Variants in ZMAT4 observed in about 807,000 individuals in gnomAD.
ZMAT4 encodes the protein zinc finger matrin-type 4, also known as zinc finger matrin-type protein 4.
ZMAT4 carries 17 observed loss-of-function variants against 28.7 expected under a neutral mutation model. The ratio of observed to expected loss-of-function variants is 0.59; its 90% CI spans 0.41 to 0.89. The LOEUF is 0.89. Among genes scored for constraint, ZMAT4 ranks in the 40% least tolerant of loss-of-function variants. The pLI is 0.00. For missense variants in ZMAT4, 240 were observed against 283.8 expected, an observed-to-expected ratio of 0.85 and a Z score of 1.11; for synonymous variants, 117 against 109.2, an observed-to-expected ratio of 1.07 and a Z score of -0.44.
At chr8:40,811,811 C>T (rs1192059986) in intron 2 of ZMAT4, among the ~76,000 whole-genome samples, 1 of 152,088 alleles carries the variant, frequency 6.6e-6, no homozygotes, top group African/African-American at 2.4e-5. Context: ...AGATTCACAC[C>T]CCAATGTCAT....
intron 5 of ZMAT4, among the ~76,000 whole-genome samples, chr8:40,589,731 C>CCTTTCCTTTCTTTCTTTCTTTCTTT (rs1554523992): frequency 9.3e-5 from 13 of 139,274 alleles, no homozygotes; most frequent in African/African-American, 2.7e-4. Context: ...TTCTTCCTTT[C>CCTTTCCTTTCTTTCTTTCTTTCTTT]CTTTCTTTCT....
intron 3 of ZMAT4, among the ~76,000 whole-genome samples, chr8:40,757,847 C>T (rs1326282736): frequency 6.6e-6 from 1 of 152,020 alleles, no homozygotes; most frequent in Admixed American, 6.5e-5. Context: ...GGCAGACCCA[C>T]CCTCAGTCTG....
chr8:40,634,397 AGT>A (rs533756062), intron 5 of ZMAT4, among the ~76,000 whole-genome samples: 35 of 152,206 alleles, frequency 2.3e-4, no homozygotes, highest in Non-Finnish European at 3.5e-4. Flanking sequence ...TTATTACTTC[AGT>A]TTGTCCCCAT....
intron 5 of ZMAT4, among the ~76,000 whole-genome samples, chr8:40,665,942 A>G (rs1808396914): frequency 6.6e-6 from 1 of 152,366 alleles, no homozygotes; most frequent in Admixed American, 6.5e-5. Flanking sequence ...TAAATTTTTT[A>G]ATGAATTCTT....
intron 4 of ZMAT4, among the ~76,000 whole-genome samples, chr8:40,678,975 A>G (rs940722334): frequency 6.6e-6 from 1 of 152,144 alleles, no homozygotes; most frequent in South Asian, 2.1e-4. Context: ...TACATCCCAA[A>G]TCCTACAATT....
intron 2 of ZMAT4, among the ~76,000 whole-genome samples, chr8:40,776,916 G>A (rs532057700): frequency 5.1e-5 from 7 of 137,628 alleles, no homozygotes; most frequent in East Asian, 2.0e-4. Flanking sequence ...GATAGCCACC[G>A]ATTTCTTTCT....
chr8:40,767,972 C>T (rs1432307057), intron 2 of ZMAT4, among the ~76,000 whole-genome samples: 1 of 152,132 alleles, frequency 6.6e-6, no homozygotes, highest in Non-Finnish European at 1.5e-5. Flanking sequence ...GCATTGAAAT[C>T]ATGTAGCCTA....
intron 2 of ZMAT4, among the ~76,000 whole-genome samples, chr8:40,814,802 T>C (rs751987188): frequency 9.2e-5 from 14 of 152,080 alleles, no homozygotes; most frequent in African/African-American, 2.4e-4. Flanking sequence ...ATACTTTTCA[T>C]AGTTTTTGAA....
At chr8:40,874,894 A>G (rs979902703) in intron 1 of ZMAT4, among the ~76,000 whole-genome samples, 2 of 152,192 alleles carry the variant, frequency 1.3e-5, no homozygotes, top group Non-Finnish European at 2.9e-5. Flanking sequence ...TCAGAATTCA[A>G]TGGAAGAAAA....
chr8:40,670,872 T>C (rs925317072), intron 5 of ZMAT4, among the ~76,000 whole-genome samples: 2 of 151,860 alleles, frequency 1.3e-5, no homozygotes, highest in Non-Finnish European at 2.9e-5. Context: ...ATCAAGACCA[T>C]CCTGACCAAC....
chr8:40,777,524 G>A (rs530247544), intron 2 of ZMAT4, among the ~76,000 whole-genome samples: 14 of 152,244 alleles, frequency 9.2e-5, no homozygotes, highest in Non-Finnish European at 1.6e-4. Context: ...CTGGTGGAGT[G>A]GTGTTAGCTA....
At chr8:40,836,144 G>A (rs2150622257) in intron 1 of ZMAT4, among the ~76,000 whole-genome samples, 1 of 152,314 alleles carries the variant, frequency 6.6e-6, no homozygotes, top group East Asian at 1.9e-4. Flanking sequence ...ACTTTGGGAT[G>A]CAGTAAGAAA....
intron 5 of ZMAT4, among the ~76,000 whole-genome samples, chr8:40,649,153 CA>C (rs1465097195): frequency 1.3e-5 from 2 of 151,966 alleles, no homozygotes; most frequent in African/African-American, 2.4e-5. Context: ...AGTCAAGACC[CA>C]TCAGTGTGCT....
intron 5 of ZMAT4, among the ~76,000 whole-genome samples, chr8:40,664,566 GA>G (rs1171940758): frequency 1.3e-5 from 2 of 152,152 alleles, no homozygotes; most frequent in African/African-American, 4.8e-5. Context: ...CTGGCTTTAG[GA>G]GTAGACCCTC....
intron 2 of ZMAT4, among the ~76,000 whole-genome samples, chr8:40,801,305 C>T (rs977639433): frequency 5.5e-5 from 8 of 145,294 alleles, no homozygotes; most frequent in Non-Finnish European, 1.0e-4. Flanking sequence ...AAAATTATAC[C>T]AATTCTCTAT....
At chr8:40,684,046 A>G in intron 4 of ZMAT4, among the ~76,000 whole-genome samples, 1 of 151,824 alleles carries the variant, frequency 6.6e-6, no homozygotes, top group Non-Finnish European at 1.5e-5. Flanking sequence ...CTAGCCTGGG[A>G]CCAGAGGAGA....
intron 5 of ZMAT4, among the ~76,000 whole-genome samples, chr8:40,609,004 T>A (rs1366223818): frequency 6.6e-6 from 1 of 152,140 alleles, no homozygotes; most frequent in Non-Finnish European, 1.5e-5. Flanking sequence ...CTGCGGTAGT[T>A]CTTGGAGTGA....
intron 6 of ZMAT4, among the ~76,000 whole-genome samples, chr8:40,543,227 G>C (rs1803098989): frequency 6.6e-6 from 1 of 152,116 alleles, no homozygotes; most frequent in Non-Finnish European, 1.5e-5. Context: ...GGGCCAAACT[G>C]TAACTTATAA....
At chr8:40,713,476 C>G (rs1398620799) in intron 3 of ZMAT4, among the ~76,000 whole-genome samples, 1 of 151,512 alleles carries the variant, frequency 6.6e-6, no homozygotes, top group African/African-American at 2.4e-5. Context: ...TATTTAAAAG[C>G]AAATGGCAAA....
Sources: allele counts gnomAD v4.1 joint callset (sites outside exome capture counted in the v4.1 genomes callset), GRCh38; gene constraint gnomAD v4.1.1; transcripts MANE v1.5; gene names NCBI Gene and HGNC (gene_info 2026-07-23, HGNC 2026-07-21).